The following MPHOSPH9 variants were observed in gnomAD, a reference collection of about 807,000 sequenced individuals.
The protein encoded by MPHOSPH9 is M-phase phosphoprotein 9.
Under a neutral mutation model 145.5 loss-of-function variants are expected in MPHOSPH9, and 88 were observed. The ratio of observed to expected loss-of-function variants is 0.60; its 90% confidence interval spans 0.51 to 0.72. MPHOSPH9 has a LOEUF of 0.72. Ranked by LOEUF, MPHOSPH9 falls within the 30% of genes least tolerant of loss-of-function variation. The pLI, the probability that MPHOSPH9 is intolerant of heterozygous loss-of-function variation, is 0.00. For synonymous variants in MPHOSPH9, 435 were observed against 486.2 expected (o/e 0.89, Z 1.39); for missense variants, 1,238 against 1,386.6 (o/e 0.89, Z 1.70).
In MPHOSPH9 at chr12:123,221,596, C is replaced by T. The variant is rs748996618; in HGVS notation, c.648G>A (p.Lys216=). ...GAACATCTATGTGCTCCATGAACTC[C>T]TTAGGGTCTTTAGATTTGTACAGAT... ...ELNLYKSKDP[K]EFMEHIDVPK... is the part of the protein sequence containing the mutation. Residue 216 remains lysine, a synonymous_variant, in exon 5 of 24, where the codon AAG becomes AAA. Transcript: ENST00000606320. 8.7e-6 allele frequency: 14 copies of T among 1,614,138 alleles called. No homozygotes were observed. The highest frequency in any genetic ancestry group is 1.2e-5 in the Non-Finnish European group (14 of 1,180,008).
chr12:123,160,714 C>T, intron 23 of MPHOSPH9, 67 bp downstream of exon 23: 1 of 1,460,174 alleles, frequency 6.8e-7, no homozygotes, highest in South Asian at 1.2e-5. Flanking sequence ...TTTTAAACCC[C>T]TCTTAGATAA....
In MPHOSPH9 at chr12:123,218,295, A is replaced by G. The variant is rs1011296797; in HGVS notation, c.996+81T>C. The stretch of plus-strand genomic sequence containing the variant: ...ATTAACAATACAAAAGAAAGGGCAC[A>G]AGAGTTTTGTTCATGAGCGTGTACT... On this transcript the variant is annotated intron_variant, in intron 6 of 23. Transcript: ENST00000606320. 3.1e-5 allele frequency: 48 copies of G among 1,540,222 alleles called. No homozygotes were observed. In the East Asian group the frequency reaches 1.0e-3, roughly 34 times the overall value.
At chr12:123,232,552 G>C (rs1486874020) in intron 1 of MPHOSPH9, among the ~76,000 whole-genome samples, 1 of 152,164 alleles carries the variant, frequency 6.6e-6, no homozygotes. Context: ...CCGCCTTGAC[G>C]GGAGGCTTGG....
Position 123,170,423 on chromosome 12 carries a change from G to A in MPHOSPH9, c.2457-3634C>T, listed in dbSNP as rs186885143. 5.9e-5 allele frequency among the ~76,000 whole-genome samples: 9 copies of A among 152,224 alleles called. No individual in the cohort carries two copies. The South Asian group carries it at 8.3e-4, about 14-fold the overall frequency. ...CTACCAAAGTGCTGGGATTATAGGC[G>A]TGAGCCACTGTGTCTAGCCGCTAAC... On this transcript the variant is annotated intron_variant, in intron 16 of 23. Transcript: ENST00000606320.
At chr12:123,174,593 C>T (rs938327395) in intron 16 of MPHOSPH9, among the ~76,000 whole-genome samples, 1 of 151,952 alleles carries the variant, frequency 6.6e-6, no homozygotes, top group South Asian at 2.1e-4. Flanking sequence ...AGGATGGTCT[C>T]GATCTCCTGA....
intron 18 of MPHOSPH9, among the ~76,000 whole-genome samples, chr12:123,164,653 T>C (rs1271878711): frequency 5.9e-5 from 9 of 152,332 alleles, no homozygotes; most frequent in Admixed American, 6.5e-5. Context: ...TGTGTGCAAG[T>C]AAGATGGACT....
At chr12:123,218,084 G>A (rs915300100) in intron 6 of MPHOSPH9, among the ~76,000 whole-genome samples, 5 of 150,738 alleles carry the variant, frequency 3.3e-5, no homozygotes, top group African/African-American at 4.9e-5. Flanking sequence ...GGTGGCACAC[G>A]ACTGTACCAC....
At chr12:123,212,642 C>T (rs539159109) in intron 7 of MPHOSPH9, among the ~76,000 whole-genome samples, 5 of 131,334 alleles carry the variant, frequency 3.8e-5, no homozygotes, top group East Asian at 2.6e-4. Flanking sequence ...ATCTGGCAAG[C>T]GGAGGTTACA....
intron 7 of MPHOSPH9, among the ~76,000 whole-genome samples, chr12:123,213,255 G>A (rs1405031665): frequency 6.6e-6 from 1 of 152,112 alleles, no homozygotes; most frequent in Non-Finnish European, 1.5e-5. Flanking sequence ...TTGCCCAACT[G>A]TGGGCTAATG....
rs1383214988 is a variant in MPHOSPH9 at position 123,156,814 on chromosome 12, T to C, written c.3545A>G (p.Asn1182Ser). 1 of 1,610,602 alleles carries C rather than the reference T, an allele frequency of 6.2e-7. No individual in the cohort carries two copies. Among genetic ancestry groups the C allele is most frequent in the Non-Finnish European group, 8.5e-7 (1 of 1,177,618 alleles). Residue 1182 changes from asparagine (N) to serine (S), a missense_variant, in exon 24 of 24, where the codon AAT becomes AGT. Physicochemically the swap from Asn to Ser is conservative, Grantham distance 46. This residue lies in a region of MPHOSPH9 where 393 missense variants were observed against 462.5 expected (regional missense o/e 0.85). Transcript: ENST00000606320. Reference protein sequence around the residue: ...KKFHVLRTSANL With the variant: ...KKFHVLRTSASL ...ATTTAATGGCTACAAATCTCAAAGA[T>C]TTGCAGAGGTGCGCAAAACATGGAA...
At position 123,160,859 on chromosome 12, in the gene MPHOSPH9, C is replaced by T. The variant is rs763210739; in HGVS notation, c.3382-10G>A. 81 of 1,612,192 alleles carry T rather than the reference C, an allele frequency of 5.0e-5. No individual in the cohort carries two copies. The highest frequency in any genetic ancestry group is 6.6e-5 in the Non-Finnish European group (78 of 1,179,450). ...TTAGTGCTGCCTCAATCTGTTAACA[C>T]ACGAAAAAAATATGTTTAAATTACT... On this transcript the variant is annotated splice_polypyrimidine_tract_variant and intron_variant, in intron 22 of 23. Transcript: ENST00000606320.
chr12:123,162,949 A>C, intron 20 of MPHOSPH9, 65 bp downstream of exon 20: 2 of 1,425,518 alleles, frequency 1.4e-6, no homozygotes, highest in Non-Finnish European at 1.9e-6. Context: ...CTAGAGACAT[A>C]AGTCAACATT....
chr12:123,182,009 T>C (rs1323066226), intron 13 of MPHOSPH9, among the ~76,000 whole-genome samples: 1 of 151,882 alleles, frequency 6.6e-6, no homozygotes, highest in Non-Finnish European at 1.5e-5. Flanking sequence ...TGGAGTACAG[T>C]GGCTCACTGC....
intron 16 of MPHOSPH9, among the ~76,000 whole-genome samples, chr12:123,169,982 CTTT>C (rs1251368308): frequency 1.4e-5 from 2 of 140,972 alleles, no homozygotes; most frequent in East Asian, 2.1e-4. Context: ...TTTTAAATGT[CTTT>C]TTTTTTTTTT....
Position 123,201,601 on chromosome 12 carries a change from A to T in MPHOSPH9, c.1937+563T>A, listed in dbSNP as rs142662670. Among the ~76,000 whole-genome samples the T allele has an allele frequency of 3.4e-3, 518 of 152,104 alleles. 3 individuals carry two copies. The highest frequency in any genetic ancestry group is 0.011 in the African/African-American group (476 of 41,506). ...CACTATGTTGCCCAGGCTGGTCTTG[A>T]ACTCCTGAGCTCAAGAGATCTGCCT... On this transcript the variant is annotated intron_variant, in intron 11 of 23. Coordinates refer to ENST00000606320, the MANE Select transcript of MPHOSPH9 (RefSeq NM_022782.4).
intron 3 of MPHOSPH9, chr12:123,226,169 T>C (rs959338180): frequency 2.8e-5 from 6 of 210,792 alleles, no homozygotes; most frequent in Admixed American, 6.2e-5. Context: ...CGTTAGTGCA[T>C]ACTGATTATT....
chr12:123,165,235 T>A (rs1158883145), intron 18 of MPHOSPH9, 67 bp downstream of exon 18: 2 of 1,404,998 alleles, frequency 1.4e-6, no homozygotes, highest in African/African-American at 2.9e-5. Context: ...ATTTTAATTT[T>A]AACGAAGGTA....
At chr12:123,241,333 G>T (rs1301135856) in intron 1 of MPHOSPH9, among the ~76,000 whole-genome samples, 5 of 151,502 alleles carry the variant, frequency 3.3e-5, no homozygotes, top group African/African-American at 7.3e-5. Context: ...ACTGTTTTTT[G>T]TTGTTGTTGT....
Position 123,221,416 on chromosome 12 carries a change from A to G in MPHOSPH9, c.828T>C (p.Leu276=). ...ISPGEFEHNF[L]GENKVSEVYS... ...ATACTTCAGAAACCTTATTTTCACC[A>G]AGAAAATTATGTTCAAATTCACCAG... The change falls in exon 5 of 24, where the codon CTT becomes CTC. Residue 276 remains leucine (L), a synonymous_variant. Coordinates refer to ENST00000606320, the MANE Select transcript of MPHOSPH9 (RefSeq NM_022782.4). 6.2e-7 allele frequency: 1 copy of G among 1,609,168 alleles called. No individual in the cohort carries two copies. The highest frequency in any genetic ancestry group is 8.5e-7 in the Non-Finnish European group (1 of 1,178,444).
Sources: gnomAD v4.1 joint callset for allele counts (sites outside exome capture counted in the v4.1 genomes callset) on GRCh38, gnomAD v4.1.1 for gene constraint, gnomAD v4.1.1 regional missense constraint, MANE v1.5 for transcripts, NCBI Gene and HGNC (gene_info 2026-07-23, HGNC 2026-07-21) for gene names.